SLC25A13: variants seen among roughly 807,000 people sequenced by gnomAD.
SLC25A13 encodes solute carrier family 25 member 13, also known as electrogenic aspartate/glutamate antiporter SLC25A13, mitochondrial.
A neutral mutation model predicts 85.5 loss-of-function variants in SLC25A13; 70 were observed. That is an observed-to-expected ratio of 0.82 (90% confidence interval 0.68 to 1.00). The LOEUF is 1.00. Among genes scored for constraint, SLC25A13 ranks in the 50% least tolerant of loss-of-function variants. SLC25A13 has a pLI of 0.00. For missense variants in SLC25A13, 765 were observed against 819.8 expected (o/e 0.93, Z 0.82); for synonymous variants, 259 against 288.7 (o/e 0.90, Z 1.04).
intron 3 of SLC25A13, 71 bp from the exon 4 acceptor site, chr7:96,234,988 C>T (rs1368855557): frequency 4.6e-6 from 5 of 1,086,740 alleles, no homozygotes; most frequent in East Asian, 2.5e-5. Flanking sequence ...CAAACATACA[C>T]TGAGGGAAAA....
chr7:96,126,748 T>C (rs1791744699), intron 15 of SLC25A13, among the ~76,000 whole-genome samples: 2 of 152,164 alleles, frequency 1.3e-5, no homozygotes, highest in African/African-American at 2.4e-5. Flanking sequence ...CTAGTGCCAA[T>C]AAAGAATTTT....
intron 5 of SLC25A13, among the ~76,000 whole-genome samples, chr7:96,193,555 G>C (rs1170306174): frequency 6.6e-6 from 1 of 152,186 alleles, no homozygotes; most frequent in Non-Finnish European, 1.5e-5. Flanking sequence ...CACTGCCAGG[G>C]ACTTTAACTT....
chr7:96,157,143 T>C (rs1268075130), intron 13 of SLC25A13, among the ~76,000 whole-genome samples: 2 of 152,164 alleles, frequency 1.3e-5, no homozygotes, highest in African/African-American at 4.8e-5. Context: ...ACTACAACCA[T>C]GTCAGCATGA....
At chr7:96,147,527 TA>T (rs1792856883) in intron 13 of SLC25A13, among the ~76,000 whole-genome samples, 2 of 152,356 alleles carry the variant, frequency 1.3e-5, no homozygotes, top group South Asian at 4.1e-4. Flanking sequence ...AAGCTAAGCC[TA>T]TATTTATCAC....
At chr7:96,164,405 C>A (rs987642962) in intron 13 of SLC25A13, among the ~76,000 whole-genome samples, 1 of 152,184 alleles carries the variant, frequency 6.6e-6, no homozygotes, top group Middle Eastern at 3.4e-3. Context: ...ACAGAAACCA[C>A]GGAAAGGAGG....
In SLC25A13 at chr7:96,193,491, G is replaced by A. The variant is rs143799869; in HGVS notation, c.469-308C>T. On this transcript the variant is annotated intron_variant, in intron 5 of 17. Coordinates refer to ENST00000265631, the MANE Select transcript of SLC25A13 (RefSeq NM_014251.3). ...TGAAAACCGGAATGAAGTGTTGTAG[G>A]TTCAAAGATCTGGCCAACCCCAGCT... Among the ~76,000 whole-genome samples, 15 of 152,318 alleles carry A rather than the reference G, an allele frequency of 9.8e-5. No individual in the cohort carries two copies. The East Asian group carries it at 2.9e-3, about 29-fold the overall frequency.
At chr7:96,169,463 C>T (rs1793910046) in intron 13 of SLC25A13, among the ~76,000 whole-genome samples, 1 of 151,846 alleles carries the variant, frequency 6.6e-6, no homozygotes, top group South Asian at 2.1e-4. Flanking sequence ...CGAGATAAAA[C>T]GAGACACAAT....
At chr7:96,136,092 A>G (rs1327135379) in intron 14 of SLC25A13, among the ~76,000 whole-genome samples, 2 of 152,184 alleles carry the variant, frequency 1.3e-5, no homozygotes, top group Non-Finnish European at 2.9e-5. Context: ...GGGTAGACCT[A>G]CGTTATAAAC....
intron 13 of SLC25A13, 133 bp downstream of exon 13, chr7:96,169,912 G>A: frequency 1.1e-6 from 1 of 887,600 alleles, no homozygotes; most frequent in South Asian, 1.4e-5. Context: ...AAAAGCCGAG[G>A]TGCCCTAGTA....
intron 14 of SLC25A13, among the ~76,000 whole-genome samples, chr7:96,135,185 T>C (rs1050959639): frequency 1.3e-5 from 2 of 152,126 alleles, no homozygotes; most frequent in African/African-American, 2.4e-5. Context: ...CCTTGTAAGG[T>C]ATCCACTGCA....
intron 3 of SLC25A13, among the ~76,000 whole-genome samples, chr7:96,244,747 A>G (rs1490487462): frequency 6.6e-6 from 1 of 152,194 alleles, no homozygotes; most frequent in Non-Finnish European, 1.5e-5. Flanking sequence ...ACTCTGGTTC[A>G]AATCTCGCTG....
At chr7:96,121,588 C>T in intron 17 of SLC25A13, 67 bp downstream of exon 17, 1 of 1,507,820 alleles carries the variant, frequency 6.6e-7, no homozygotes, top group Non-Finnish European at 9.2e-7. Flanking sequence ...ACTGAGGTAC[C>T]TTTCCCTACG....
intron 14 of SLC25A13, among the ~76,000 whole-genome samples, chr7:96,140,397 C>CTTTTTTTTTTTT (rs59863233): frequency 1.1e-5 from 1 of 88,128 alleles, no homozygotes; most frequent in Non-Finnish European, 2.0e-5. Flanking sequence ...CAAGGATCTC[C>CTTTTTTTTTTTT]TTTTTTTTTT....
At chr7:96,154,651 A>C (rs1793184436) in intron 13 of SLC25A13, among the ~76,000 whole-genome samples, 1 of 152,288 alleles carries the variant, frequency 6.6e-6, no homozygotes, top group East Asian at 1.9e-4. Context: ...TCAATGGTAG[A>C]GTGGACTCCT....
chr7:96,223,708 AACCCGGGAAGCAGAGCTTGCAGTG>A (rs1266717685), intron 4 of SLC25A13, among the ~76,000 whole-genome samples: 2 of 150,448 alleles, frequency 1.3e-5, no homozygotes, highest in African/African-American at 4.9e-5. Flanking sequence ...GAATTGCTTG[AACCCGGGAAGCAGAGCTTGCAGTG>A]AGCCGAGATT....
At chr7:96,302,371 T>A (rs1456963403) in intron 1 of SLC25A13, among the ~76,000 whole-genome samples, 1 of 152,120 alleles carries the variant, frequency 6.6e-6, no homozygotes, top group Non-Finnish European at 1.5e-5. Context: ...TAAACAGACT[T>A]TCTTACAAGG....
At chr7:96,317,930 T>C (rs1308390822) in intron 1 of SLC25A13, among the ~76,000 whole-genome samples, 1 of 151,892 alleles carries the variant, frequency 6.6e-6, no homozygotes, top group Admixed American at 6.6e-5. Flanking sequence ...GCCTCCCAAG[T>C]AGCCGGGACC....
At chr7:96,131,317 A>G (rs1792020362) in intron 15 of SLC25A13, among the ~76,000 whole-genome samples, 1 of 152,202 alleles carries the variant, frequency 6.6e-6, no homozygotes, top group Admixed American at 6.5e-5. Context: ...TGGTTCTACT[A>G]CATTTCTTTT....
intron 3 of SLC25A13, among the ~76,000 whole-genome samples, chr7:96,246,978 T>A (rs2116854626): frequency 6.6e-6 from 1 of 152,344 alleles, no homozygotes; most frequent in South Asian, 2.1e-4. Context: ...TACAAGTGAT[T>A]CCCAACAGAC....
Sources: gnomAD v4.1 joint callset for allele counts (sites outside exome capture counted in the v4.1 genomes callset) on GRCh38, gnomAD v4.1.1 for gene constraint, MANE v1.5 for transcripts, NCBI Gene and HGNC (gene_info 2026-07-23, HGNC 2026-07-21) for gene names.